The following MAP2K5 variants were observed in gnomAD, a reference collection of about 807,000 sequenced individuals.
MAP2K5 encodes mitogen-activated protein kinase kinase 5.
Under a neutral mutation model 83.1 loss-of-function variants are expected in MAP2K5, and 49 were observed. The observed-to-expected ratio is 0.59, with a 90% CI of 0.47 to 0.75. MAP2K5 has a LOEUF of 0.75. Ranked by LOEUF, MAP2K5 falls within the 30% of genes least tolerant of loss-of-function variation. The pLI is 0.00. For synonymous variants in MAP2K5, 202 were observed against 191.8 expected (o/e 1.05, Z -0.44); for missense variants, 457 against 557.5 (o/e 0.82, Z 1.82).
intron 17 of MAP2K5, among the ~76,000 whole-genome samples, chr15:67,740,798 C>T (rs2089473618): frequency 6.6e-6 from 1 of 152,122 alleles, no homozygotes; most frequent in Non-Finnish European, 1.5e-5. Flanking sequence ...GAGGCTGAGA[C>T]AGGCAGATCG....
intron 13 of MAP2K5, among the ~76,000 whole-genome samples, chr15:67,688,068 A>G (rs901404599): frequency 6.6e-6 from 1 of 152,208 alleles, no homozygotes; most frequent in Admixed American, 6.5e-5. Context: ...CAAAGGAGAA[A>G]AATTCAGGCA....
intron 4 of MAP2K5, among the ~76,000 whole-genome samples, chr15:67,582,055 A>ATTTTTTTT (rs1233297576): frequency 1.5e-5 from 2 of 134,866 alleles, no homozygotes. Flanking sequence ...GATGTAGATG[A>ATTTTTTTT]TTTCTTTTTT....
At position 67,658,627 on chromosome 15, in the gene MAP2K5, C is replaced by T. The variant is rs749672105; in HGVS notation, c.798+13C>T. The T allele has an allele frequency of 6.2e-7, 1 of 1,602,414 alleles. No individual in the cohort carries two copies. The highest frequency in any genetic ancestry group is 8.5e-7 in the Non-Finnish European group (1 of 1,170,788). ...AATTGCAGTAGCAGTAAGTATATGG[C>T]TTCAGTGTTAGGAAATTTGAGTGAT... On this transcript the variant is annotated intron_variant, in intron 12 of 21. Transcript: ENST00000178640.
Position 67,765,433 on chromosome 15 carries a change from C to G in MAP2K5, c.1135-4169C>G, listed in dbSNP as rs185315455. ...ATTGTCATAGATACAAGACACAAAC[C>G]ACTGATCTTATTCAGATTTTACCAG... On this transcript the variant is annotated intron_variant, in intron 19 of 21. Transcript: ENST00000178640. Among the ~76,000 whole-genome samples, 121 of 152,170 alleles carry G rather than the reference C, an allele frequency of 8.0e-4. 1 individual carries two copies. Among genetic ancestry groups the G allele is most frequent in the Middle Eastern group, 6.8e-3 (2 of 294 alleles).
chr15:67,580,919 GT>G, intron 4 of MAP2K5, 96 bp downstream of exon 4: 2 of 817,632 alleles, frequency 2.4e-6, no homozygotes, highest in Non-Finnish European at 2.1e-6. Context: ...ATAACATGAT[GT>G]TTAGCTCTTA....
intron 17 of MAP2K5, among the ~76,000 whole-genome samples, chr15:67,739,936 C>A (rs547359468): frequency 1.3e-5 from 2 of 152,164 alleles, no homozygotes; most frequent in South Asian, 2.1e-4. Context: ...ACCTTTCTTA[C>A]AATGCCTAGA....
chr15:67,744,876 A>G (rs1017445718), intron 17 of MAP2K5, among the ~76,000 whole-genome samples: 1 of 152,236 alleles, frequency 6.6e-6, no homozygotes, highest in Non-Finnish European at 1.5e-5. Context: ...AAATGTTACT[A>G]TAATAATACC....
intron 13 of MAP2K5, among the ~76,000 whole-genome samples, chr15:67,679,049 GT>G (rs2087749885): frequency 6.6e-6 from 1 of 151,704 alleles, no homozygotes; most frequent in Non-Finnish European, 1.5e-5. Flanking sequence ...TCCAACTGTA[GT>G]TTTGTGAAGG....
At chr15:67,658,864 G>T in intron 12 of MAP2K5, 1 of 535,470 alleles carries the variant, frequency 1.9e-6, no homozygotes. Context: ...TATTCTTGTT[G>T]ACTCGTAAAA....
intron 16 of MAP2K5, among the ~76,000 whole-genome samples, chr15:67,704,845 T>A (rs569150754): frequency 1.4e-4 from 22 of 152,202 alleles, no homozygotes; most frequent in Non-Finnish European, 2.8e-4. Context: ...ATTTATTTTA[T>A]AAATGACTGG....
Position 67,640,849 on chromosome 15 carries a change from T to C in MAP2K5, c.586-5382T>C, listed in dbSNP as rs1179477505. Among the ~76,000 whole-genome samples, 1 of 152,232 alleles carries C rather than the reference T, an allele frequency of 6.6e-6. No homozygotes were observed. Among genetic ancestry groups the C allele is most frequent in the Non-Finnish European group, 1.5e-5 (1 of 68,042 alleles). On this transcript the variant is annotated intron_variant, in intron 9 of 21. Coordinates refer to ENST00000178640, the MANE Select transcript of MAP2K5 (RefSeq NM_145160.3). The surrounding 1 kb of genome is among the most constrained non-coding windows in gnomAD (Gnocchi z 4.6). ...GAATTTTGGAAAGAATAATGTACCA[T>C]GAATTTCTATTTTATACTATTGAAT...
At chr15:67,589,752 A>G (rs1286067021) in intron 6 of MAP2K5, among the ~76,000 whole-genome samples, 1 of 150,508 alleles carries the variant, frequency 6.6e-6, no homozygotes, top group Non-Finnish European at 1.5e-5. Context: ...TAGGATCTGA[A>G]TGTTTCCCAG....
intron 7 of MAP2K5, among the ~76,000 whole-genome samples, chr15:67,593,369 G>C (rs571101295): frequency 2.0e-5 from 3 of 152,234 alleles, no homozygotes; most frequent in East Asian, 1.9e-4. Flanking sequence ...ACTAACACTG[G>C]CTTTTTAGGG....
At position 67,573,890 on chromosome 15, in the gene MAP2K5, A is replaced by G. The variant is rs1308067921; in HGVS notation, c.253-6864A>G. Among the ~76,000 whole-genome samples, 3 of 152,198 alleles carry G rather than the reference A, an allele frequency of 2.0e-5. No individual in the cohort carries two copies. In the East Asian group the frequency reaches 5.8e-4, roughly 29 times the overall value. On this transcript the variant is annotated intron_variant, in intron 3 of 21. Transcript: ENST00000178640. The surrounding 1 kb of genome is among the most constrained non-coding windows in gnomAD (Gnocchi z 4.2). ...CCTTGTAGTGCAGCGCATCTCCTCCATATGGTTTTTTGCTTTGTTATTTTA... is the reference window on the plus strand; with the variant it reads ...CCTTGTAGTGCAGCGCATCTCCTCCGTATGGTTTTTTGCTTTGTTATTTTA...
At chr15:67,622,913 A>G (rs746236679) in intron 8 of MAP2K5, among the ~76,000 whole-genome samples, 88 of 152,310 alleles carry the variant, frequency 5.8e-4, no homozygotes, top group Non-Finnish European at 4.3e-4. Flanking sequence ...CCTGGCTAAC[A>G]CAGTGAAAGC....
chr15:67,594,952 A>G (rs997575399), intron 7 of MAP2K5, among the ~76,000 whole-genome samples: 9 of 152,196 alleles, frequency 5.9e-5, no homozygotes, highest in African/African-American at 1.7e-4. Flanking sequence ...GTAGGCATCA[A>G]TAAATTTCTG....
chr15:67,659,391 A>C (rs2087177086), intron 12 of MAP2K5: 1 of 152,340 alleles, frequency 6.6e-6, no homozygotes. Context: ...TTCATTATAC[A>C]TCAAACTGAC....
intron 15 of MAP2K5, among the ~76,000 whole-genome samples, chr15:67,699,128 GTT>G (rs74409681): frequency 2.1e-5 from 3 of 144,268 alleles, no homozygotes; most frequent in African/African-American, 5.1e-5. Context: ...TGCTAGCTAA[GTT>G]TTTTTTTTTT....
At chr15:67,639,434 G>A (rs1293419393) in intron 9 of MAP2K5, among the ~76,000 whole-genome samples, 2 of 152,182 alleles carry the variant, frequency 1.3e-5, no homozygotes, top group Non-Finnish European at 2.9e-5. Flanking sequence ...ACTGATTCCT[G>A]TTTTACAAAA....
Sources: allele counts gnomAD v4.1 joint callset (sites outside exome capture counted in the v4.1 genomes callset), GRCh38; gene constraint gnomAD v4.1.1; non-coding constraint Gnocchi (gnomAD v3.1); transcripts MANE v1.5; gene names NCBI Gene and HGNC (gene_info 2026-07-23, HGNC 2026-07-21).